The following GLG1 variants were observed in gnomAD, a reference collection of about 807,000 sequenced individuals.
The protein encoded by GLG1 is Golgi apparatus protein 1.
In GLG1, 38 loss-of-function variants were observed where a neutral mutation model predicts 160.5. The observed-to-expected ratio is 0.24, with a 90% CI of 0.18 to 0.31. The LOEUF (loss-of-function observed/expected upper bound fraction) is 0.31, where lower values mean the gene tolerates loss of function less well. GLG1 is among the 10% of genes least tolerant of loss of function. GLG1 has a pLI of 1.00. For synonymous variants in GLG1, 644 were observed against 543.4 expected (o/e 1.19, Z -2.57); for missense variants, 1,373 against 1,505.2 (o/e 0.91, Z 1.45).
chr16:74,530,251 C>G (rs1346701669), intron 2 of GLG1, among the ~76,000 whole-genome samples: 1 of 152,196 alleles, frequency 6.6e-6, no homozygotes, highest in African/African-American at 2.4e-5. Flanking sequence ...AGACACATCT[C>G]TATCCATTCT....
intron 7 of GLG1, among the ~76,000 whole-genome samples, chr16:74,492,521 A>T (rs1213448901): frequency 3.2e-4 from 1 of 3,090 alleles, no homozygotes; most frequent in Non-Finnish European, 6.1e-4. Flanking sequence ...CATCTCTATT[A>T]AAAAAAAAAA....
intron 1 of GLG1, among the ~76,000 whole-genome samples, chr16:74,601,866 T>C (rs1958446815): frequency 1.3e-5 from 2 of 152,084 alleles, no homozygotes; most frequent in African/African-American, 4.8e-5. Context: ...TTAGAAAGAG[T>C]ATGGTCTTTT....
intron 1 of GLG1, among the ~76,000 whole-genome samples, chr16:74,592,670 T>C (rs1188285530): frequency 1.1e-4 from 16 of 152,190 alleles, no homozygotes; most frequent in Admixed American, 9.8e-4. Context: ...AACTGGTAAG[T>C]GAGCTAGGGT....
At chr16:74,457,775 A>G in intron 24 of GLG1, 99 bp downstream of exon 24, 3 of 1,119,348 alleles carry the variant, frequency 2.7e-6, no homozygotes, top group Non-Finnish European at 2.6e-6. Context: ...ACAACTACAG[A>G]CCATACAGAC....
At chr16:74,526,589 T>C (rs1486893793) in intron 2 of GLG1, among the ~76,000 whole-genome samples, 1 of 151,502 alleles carries the variant, frequency 6.6e-6, no homozygotes, top group Non-Finnish European at 1.5e-5. Context: ...CAGGGCATGG[T>C]GGTGTGCATC....
chr16:74,567,985 A>G (rs1285367203), intron 1 of GLG1, among the ~76,000 whole-genome samples: 3 of 152,178 alleles, frequency 2.0e-5, no homozygotes, highest in African/African-American at 7.2e-5. Flanking sequence ...TGACACAGAT[A>G]GAGCAAATGA....
chr16:74,501,286 T>G (rs974745977), intron 4 of GLG1, among the ~76,000 whole-genome samples: 1 of 152,184 alleles, frequency 6.6e-6, no homozygotes, highest in Non-Finnish European at 1.5e-5. Flanking sequence ...CATGTGTGAG[T>G]CTATCTCACC....
chr16:74,496,490 C>A lies in GLG1; in HGVS notation c.929G>T (p.Arg310Leu). The A allele has an allele frequency of 6.2e-7, 1 of 1,613,922 alleles. No individual in the cohort carries two copies. Among genetic ancestry groups the A allele is most frequent in the Non-Finnish European group, 8.5e-7 (1 of 1,179,900 alleles). ...ELSSDDFHLD[R>L]HLYFACRDDR... is the part of the protein sequence containing the mutation. ...ATCTCGGCAAGCAAAATATAAATGCCGGTCTAAGTGAAAGTCATCCGATGA... is the reference window on the plus strand; with the variant it reads ...ATCTCGGCAAGCAAAATATAAATGCAGGTCTAAGTGAAAGTCATCCGATGA... The change falls in exon 5 of 26, where the codon CGG becomes CTG. Residue 310 changes from arginine (R) to leucine (L), a missense_variant. By Grantham distance (102) the Arg-to-Leu change is moderately radical. This residue lies in a region of GLG1 where 174 missense variants were observed against 229.9 expected (regional missense o/e 0.76). Transcript: ENST00000422840.
chr16:74,544,479 C>T (rs2017989149), intron 1 of GLG1, among the ~76,000 whole-genome samples: 1 of 152,006 alleles, frequency 6.6e-6, no homozygotes, highest in African/African-American at 2.4e-5. Flanking sequence ...TGCCACCAAG[C>T]CTGGCTAATT....
intron 6 of GLG1, among the ~76,000 whole-genome samples, chr16:74,493,509 A>G (rs912895710): frequency 1.3e-5 from 2 of 152,258 alleles, no homozygotes; most frequent in African/African-American, 4.8e-5. Flanking sequence ...GGCAACTAAC[A>G]TAACATTTGG....
chr16:74,604,518 TA>T (rs1958519469), intron 1 of GLG1, among the ~76,000 whole-genome samples: 1 of 152,222 alleles, frequency 6.6e-6, no homozygotes, highest in East Asian at 1.9e-4. Flanking sequence ...CAATAATGGG[TA>T]CGGATAGGAA....
chr16:74,502,570 G>A (rs895671482), intron 4 of GLG1, among the ~76,000 whole-genome samples: 24 of 151,536 alleles, frequency 1.6e-4, no homozygotes, highest in Non-Finnish European at 2.9e-4. Flanking sequence ...TTGAGACGGA[G>A]TCTCACTCTG....
intron 2 of GLG1, among the ~76,000 whole-genome samples, chr16:74,531,149 A>AT (rs2017518888): frequency 6.6e-6 from 1 of 152,064 alleles, no homozygotes; most frequent in Admixed American, 6.5e-5. Flanking sequence ...TTCTAGTTTT[A>AT]TTTTGTACTT....
At chr16:74,479,469 C>A (rs1222852061) in intron 11 of GLG1, among the ~76,000 whole-genome samples, 2 of 151,306 alleles carry the variant, frequency 1.3e-5, no homozygotes, top group African/African-American at 2.4e-5. Flanking sequence ...AAAACAAATT[C>A]CCACGTTTTC....
intron 24 of GLG1, among the ~76,000 whole-genome samples, chr16:74,457,030 C>G (rs2014575096): frequency 2.0e-5 from 3 of 152,184 alleles, no homozygotes; most frequent in African/African-American, 7.2e-5. Context: ...ACTTGGGAAG[C>G]TGAGGCAGGA....
At chr16:74,599,555 CT>C (rs1958389152) in intron 1 of GLG1, among the ~76,000 whole-genome samples, 1 of 152,162 alleles carries the variant, frequency 6.6e-6, no homozygotes, top group South Asian at 2.1e-4. Flanking sequence ...CCCGTCTCTA[CT>C]AAAAATACAA....
chr16:74,518,941 T>C (rs1350960717), intron 2 of GLG1, among the ~76,000 whole-genome samples: 3 of 152,172 alleles, frequency 2.0e-5, no homozygotes, highest in Non-Finnish European at 4.4e-5. Context: ...TCCTCAAGGA[T>C]CTAGAACTAG....
intron 1 of GLG1, among the ~76,000 whole-genome samples, chr16:74,583,820 T>C (rs1047686253): frequency 2.6e-5 from 4 of 152,194 alleles, no homozygotes; most frequent in Non-Finnish European, 5.9e-5. Flanking sequence ...GGCTACGTCC[T>C]CCACTCGACC....
In GLG1 at chr16:74,462,560, C is replaced by T. The variant is rs937628483; in HGVS notation, c.2862G>A (p.Leu954=). 4 of 1,613,494 alleles carry T rather than the reference C, an allele frequency of 2.5e-6. No homozygotes were observed. Among genetic ancestry groups the T allele is most frequent in the Non-Finnish European group, 3.4e-6 (4 of 1,179,520 alleles). The change falls in exon 21 of 26, where the codon CTG becomes CTA. Residue 954 remains leucine, a synonymous_variant. Coordinates refer to ENST00000422840, the MANE Select transcript of GLG1 (RefSeq NM_001145667.2). ...ADIPKFCHGI[L]TKAKDDSELE... is the part of the protein sequence containing the mutation. Reference sequence around the variant, plus strand: ...ATTCTGAATCATCCTTGGCCTTAGTCAGGATACCGTGACAGAATTTAGGAA... The same window carrying T: ...ATTCTGAATCATCCTTGGCCTTAGTTAGGATACCGTGACAGAATTTAGGAA...
Sources: allele counts gnomAD v4.1 joint callset (sites outside exome capture counted in the v4.1 genomes callset), GRCh38; gene constraint gnomAD v4.1.1; regional missense constraint gnomAD v4.1.1; transcripts MANE v1.5; gene names NCBI Gene and HGNC (gene_info 2026-07-23, HGNC 2026-07-21).